Variants in TNR observed in about 807,000 individuals in gnomAD.
TNR encodes tenascin R.
Under a neutral mutation model 150.4 loss-of-function variants are expected in TNR, and 45 were observed. That is an observed-to-expected ratio of 0.30 (90% confidence interval 0.24 to 0.38). TNR has a LOEUF of 0.38. Ranked by LOEUF, TNR falls within the 10% of genes least tolerant of loss-of-function variation. TNR has a pLI of 1.00. For missense variants in TNR, 1,544 were observed against 1,759.1 expected (o/e 0.88, Z 2.19); for synonymous variants, 687 against 678.4 (o/e 1.01, Z -0.20).
chr1:175,354,227 T>C (rs1416843743), intron 18 of TNR, among the ~76,000 whole-genome samples, 164 bp downstream of exon 18: 1 of 152,156 alleles, frequency 6.6e-6, no homozygotes, highest in Non-Finnish European at 1.5e-5. Flanking sequence ...GGTTACCTTG[T>C]TAGTGAGAGG....
chr1:175,452,080 G>T (rs1027516642), intron 2 of TNR, among the ~76,000 whole-genome samples: 10 of 152,218 alleles, frequency 6.6e-5, no homozygotes, highest in Non-Finnish European at 1.0e-4. Context: ...GAAGTTAGCA[G>T]CTGAGGTGAG....
rs1224891236 is a variant in TNR, at chr1:175,317,032, T to C, written c.*6325A>G. On this transcript the variant is annotated 3_prime_UTR_variant, in exon 23 of 23. Transcript: ENST00000367674. ...ATTAGACAAAGGTTCAGATTATGGC[T>C]CTATTTAGTAGCTGTGTGACTTTGA... is the stretch of plus-strand genomic sequence containing the variant. 2.0e-5 allele frequency: 3 copies of C among 152,214 alleles called. No homozygotes were observed. The highest frequency in any genetic ancestry group is 2.9e-5 in the Non-Finnish European group (2 of 68,042). The allele number at this position is 152,214 out of a possible 1,614,324, so 9.4% of individuals were successfully genotyped here. A position where few individuals can be genotyped will look rare whatever the true frequency, so the allele number is the denominator to read the frequency against.
At chr1:175,417,011 A>AAAAGAAAGAAAG (rs61354589) in intron 2 of TNR, among the ~76,000 whole-genome samples, 4,252 of 90,734 alleles carry the variant, frequency 0.047, 406 homozygotes, top group Middle Eastern at 0.073. Context: ...CCATCTCAAA[A>AAAAGAAAGAAAG]AAAGAAAGAA....
chr1:175,550,164 C>CA (rs1180475109), intron 1 of TNR, among the ~76,000 whole-genome samples: 3 of 152,088 alleles, frequency 2.0e-5, no homozygotes, highest in African/African-American at 7.2e-5. Context: ...AAGGGGAAGC[C>CA]AAAAAGTAAC....
intron 1 of TNR, among the ~76,000 whole-genome samples, chr1:175,702,805 T>C (rs1666734270): frequency 1.3e-5 from 2 of 152,224 alleles, no homozygotes; most frequent in South Asian, 4.1e-4. Context: ...TCTGGATCAA[T>C]ACCAAATGAG....
chr1:175,493,042 C>A (rs1431023480), intron 2 of TNR, among the ~76,000 whole-genome samples: 1 of 151,940 alleles, frequency 6.6e-6, no homozygotes, highest in East Asian at 1.9e-4. Context: ...GTGGACTTGG[C>A]GCATTTCTCC....
At chr1:175,339,467 G>A (rs1557873588) in intron 18 of TNR, among the ~76,000 whole-genome samples, 1 of 152,162 alleles carries the variant, frequency 6.6e-6, no homozygotes, top group African/African-American at 2.4e-5. Context: ...TACCCCTAGA[G>A]GCTACAGTTA....
At chr1:175,425,469 G>T (rs1349023569) in intron 2 of TNR, among the ~76,000 whole-genome samples, 1 of 152,162 alleles carries the variant, frequency 6.6e-6, no homozygotes, top group Admixed American at 6.5e-5. Flanking sequence ...TGTTTTCTGA[G>T]GTGCCATGTG....
At chr1:175,644,528 C>T (rs1664754408) in intron 1 of TNR, among the ~76,000 whole-genome samples, 1 of 152,322 alleles carries the variant, frequency 6.6e-6, no homozygotes, top group Non-Finnish European at 1.5e-5. Flanking sequence ...CTCATTGTCA[C>T]CATTCCTCAG....
At chr1:175,370,338 CTTTTTTTTTTTTT>C (rs55795922) in intron 9 of TNR, among the ~76,000 whole-genome samples, 5 of 42,926 alleles carry the variant, frequency 1.2e-4, no homozygotes, top group Admixed American at 4.4e-4. Flanking sequence ...ATTTTGAGTA[CTTTTTTTTTTTTT>C]TTTTTTTTTT....
intron 2 of TNR, among the ~76,000 whole-genome samples, chr1:175,427,460 G>A (rs144059619): frequency 6.6e-5 from 10 of 152,178 alleles, no homozygotes; most frequent in African/African-American, 2.2e-4. Context: ...TTGAAATCTG[G>A]TATGTATTTT....
intron 1 of TNR, among the ~76,000 whole-genome samples, chr1:175,662,085 A>G (rs1225311402): frequency 2.0e-5 from 3 of 152,120 alleles, no homozygotes; most frequent in African/African-American, 7.2e-5. Flanking sequence ...GGATTGGAGC[A>G]TGGGGATTAG....
intron 15 of TNR, among the ~76,000 whole-genome samples, chr1:175,357,484 C>A (rs1255504887): frequency 6.6e-6 from 1 of 152,172 alleles, no homozygotes; most frequent in Non-Finnish European, 1.5e-5. Flanking sequence ...TTTGGAAGAG[C>A]ATGTATAAGG....
intron 1 of TNR, among the ~76,000 whole-genome samples, chr1:175,595,528 G>A (rs1406217704): frequency 3.3e-5 from 5 of 152,148 alleles, no homozygotes; most frequent in Admixed American, 3.3e-4. Flanking sequence ...AGCCATGAGG[G>A]TAAAATCGGT....
intron 1 of TNR, among the ~76,000 whole-genome samples, chr1:175,573,936 C>T (rs1661991591): frequency 6.6e-6 from 1 of 152,176 alleles, no homozygotes; most frequent in South Asian, 2.1e-4. Context: ...AAAATAAAAA[C>T]AAAAAACCTC....
chr1:175,699,177 T>A (rs1666614877), intron 1 of TNR, among the ~76,000 whole-genome samples: 2 of 151,780 alleles, frequency 1.3e-5, no homozygotes, highest in African/African-American at 4.8e-5. Flanking sequence ...AAGGGAAGAA[T>A]CCAGGCTGAC....
chr1:175,353,284 T>C (rs1048776078), intron 18 of TNR, among the ~76,000 whole-genome samples: 2 of 152,146 alleles, frequency 1.3e-5, no homozygotes, highest in Non-Finnish European at 2.9e-5. Context: ...ATTTCCTCAT[T>C]TGTAAAAAAT....
intron 2 of TNR, among the ~76,000 whole-genome samples, chr1:175,477,738 T>C (rs915578044): frequency 6.6e-6 from 1 of 152,220 alleles, no homozygotes; most frequent in African/African-American, 2.4e-5. Flanking sequence ...TGAAGGCTGT[T>C]CTAACGGAGG....
In TNR at chr1:175,646,438, A is replaced by G. The variant is rs1014413794; in HGVS notation, c.-165+96788T>C. ...ATTCTTGCTGAAAATTACTTTCCCA[A>G]TGGAAAAGCTTCATAAAGCTTCCAG... On this transcript the variant is annotated intron_variant, in intron 1 of 22. Transcript: ENST00000367674. 5.3e-5 allele frequency among the ~76,000 whole-genome samples: 8 copies of G among 152,164 alleles called. 1 individual carries two copies. Among genetic ancestry groups the G allele is most frequent in the Admixed American group, 5.2e-4 (8 of 15,286 alleles).
Sources: gnomAD v4.1 joint callset for allele counts (sites outside exome capture counted in the v4.1 genomes callset) on GRCh38, gnomAD v4.1.1 for gene constraint, MANE v1.5 for transcripts, NCBI Gene and HGNC (gene_info 2026-07-23, HGNC 2026-07-21) for gene names.